PLCB1: variants seen among roughly 807,000 people sequenced by gnomAD.
PLCB1 encodes phospholipase C beta 1, also known as 1-phosphatidylinositol 4,5-bisphosphate phosphodiesterase beta-1.
In PLCB1, 46 loss-of-function variants were observed where a neutral mutation model predicts 161.8. The ratio of observed to expected loss-of-function variants is 0.28; its 90% CI spans 0.22 to 0.36. The LOEUF is 0.36. Among genes scored for constraint, PLCB1 ranks in the 10% least tolerant of loss-of-function variants. The pLI is 1.00. For synonymous variants in PLCB1, 517 were observed against 503.7 expected, an observed-to-expected ratio of 1.03 and a Z score of -0.35; for missense variants, 1,016 against 1,472.5, an observed-to-expected ratio of 0.69 and a Z score of 5.07.
intron 2 of PLCB1, among the ~76,000 whole-genome samples, chr20:8,182,973 T>A (rs976557056): frequency 1.1e-5 from 1 of 89,108 alleles, no homozygotes; most frequent in Non-Finnish European, 2.1e-5. Flanking sequence ...ATGACTCTTC[T>A]GGTTAAAAAA....
chr20:8,377,743 T>A (rs1278422460), intron 3 of PLCB1, among the ~76,000 whole-genome samples: 1 of 152,190 alleles, frequency 6.6e-6, no homozygotes, highest in Non-Finnish European at 1.5e-5. Flanking sequence ...GGTTGCCATG[T>A]CCTCAGATAA....
intron 1 of PLCB1, among the ~76,000 whole-genome samples, chr20:8,147,880 T>A (rs1054521142): frequency 6.7e-5 from 10 of 150,312 alleles, no homozygotes; most frequent in African/African-American, 1.2e-4. Context: ...AAGTTTTTTT[T>A]TTTTTTTTTT....
chr20:8,320,310 C>A (rs548625245), intron 2 of PLCB1, among the ~76,000 whole-genome samples: 1 of 152,258 alleles, frequency 6.6e-6, no homozygotes, highest in East Asian at 1.9e-4. Context: ...GCAGTTAATA[C>A]TATTTGTTAC....
intron 9 of PLCB1, among the ~76,000 whole-genome samples, chr20:8,670,473 A>C (rs547785586): frequency 1.3e-5 from 2 of 152,358 alleles, no homozygotes; most frequent in South Asian, 4.1e-4. Flanking sequence ...GGAGCTTTTG[A>C]GAAGAGTACA....
At chr20:8,743,719 C>G (rs1981001569) in intron 23 of PLCB1, among the ~76,000 whole-genome samples, 1 of 152,150 alleles carries the variant, frequency 6.6e-6, no homozygotes, top group African/African-American at 2.4e-5. Flanking sequence ...AGTTCCCTAT[C>G]TGAATTAATT....
intron 2 of PLCB1, among the ~76,000 whole-genome samples, chr20:8,286,060 C>T (rs1044384014): frequency 6.6e-5 from 10 of 152,348 alleles, no homozygotes; most frequent in African/African-American, 2.4e-4. Context: ...CACAGTGGCT[C>T]ATGCCTGTGA....
intron 1 of PLCB1, among the ~76,000 whole-genome samples, chr20:8,141,218 T>C (rs1370172242): frequency 6.6e-6 from 1 of 152,218 alleles, no homozygotes; most frequent in African/African-American, 2.4e-5. Context: ...GCAAACTCAG[T>C]TTTTGAGCTA....
chr20:8,588,021 G>C (rs901331387), intron 3 of PLCB1, among the ~76,000 whole-genome samples: 1 of 152,102 alleles, frequency 6.6e-6, no homozygotes, highest in Admixed American at 6.6e-5. Context: ...GACGTGTATC[G>C]AAACTGTCAC....
At chr20:8,232,078 G>A (rs988027669) in intron 2 of PLCB1, among the ~76,000 whole-genome samples, 2 of 152,064 alleles carry the variant, frequency 1.3e-5, no homozygotes, top group African/African-American at 4.8e-5. Context: ...TTGGTGGTGT[G>A]CGTCTGTAGT....
intron 2 of PLCB1, among the ~76,000 whole-genome samples, chr20:8,157,174 G>A (rs2051571213): frequency 6.6e-6 from 1 of 152,160 alleles, no homozygotes; most frequent in African/African-American, 2.4e-5. Flanking sequence ...CTTTCCCTCT[G>A]GGGATAATTT....
intron 31 of PLCB1, among the ~76,000 whole-genome samples, chr20:8,867,536 G>A (rs767720835): frequency 4.6e-5 from 7 of 152,146 alleles, no homozygotes; most frequent in South Asian, 2.1e-4. Context: ...TCAATTGCCC[G>A]GAGGGCTTTT....
At chr20:8,177,697 CTT>C (rs917952111) in intron 2 of PLCB1, among the ~76,000 whole-genome samples, 1 of 151,932 alleles carries the variant, frequency 6.6e-6, no homozygotes, top group Admixed American at 6.6e-5. Flanking sequence ...TTTTAAAAAA[CTT>C]TTATTTATTT....
At position 8,369,295 on chromosome 20, in the gene PLCB1, A is replaced by G. The variant is rs537754453; in HGVS notation, c.178-2087A>G. ...TGCCATCTCTCTCCTCTTTCTTCCA[A>G]TTACTTACCTTCATTTTGTCTCTCA... On this transcript the variant is annotated intron_variant, in intron 2 of 31. Transcript: ENST00000338037. 6.4e-4 allele frequency among the ~76,000 whole-genome samples: 98 copies of G among 151,996 alleles called. 2 individuals carry two copies. In the South Asian group the frequency reaches 0.02, roughly 31 times the overall value.
rs114515002 is a variant in PLCB1 at position 8,165,656 on chromosome 20, C to T, written c.177+15285C>T. 9.0e-3 allele frequency among the ~76,000 whole-genome samples: 1,372 copies of T among 152,276 alleles called. 15 individuals are homozygous for T. The highest frequency in any genetic ancestry group is 0.031 in the African/African-American group (1,281 of 41,550). On this transcript the variant is annotated intron_variant, in intron 2 of 31. Transcript: ENST00000338037. Reference sequence around the variant, plus strand: ...TGCTAACATACAGTCACTGCTCAATCGATGTGTGTCAAATGAATGAGACTT... The same window carrying T: ...TGCTAACATACAGTCACTGCTCAATTGATGTGTGTCAAATGAATGAGACTT...
At chr20:8,655,999 C>T (rs562106677) in intron 7 of PLCB1, among the ~76,000 whole-genome samples, 7 of 152,052 alleles carry the variant, frequency 4.6e-5, no homozygotes, top group African/African-American at 1.7e-4. Context: ...TATACTTGTT[C>T]CCTTTTTATG....
At chr20:8,774,207 AG>A (rs1240020956) in intron 26 of PLCB1, among the ~76,000 whole-genome samples, 6 of 152,214 alleles carry the variant, frequency 3.9e-5, no homozygotes, top group Admixed American at 3.9e-4. Context: ...ATAACAAAAA[AG>A]ATTAAAACCT....
At position 8,297,892 on chromosome 20, in the gene PLCB1, G is replaced by GTTT. The variant is rs749268293; in HGVS notation, c.178-73477_178-73475dup. 6.3e-3 allele frequency among the ~76,000 whole-genome samples: 833 copies of GTTT among 132,682 alleles called. 8 individuals carry two copies. Among genetic ancestry groups the GTTT allele is most frequent in the African/African-American group, 0.021 (759 of 36,882 alleles). The allele number at this position is 132,682 out of a possible 152,430, so 87.0% of individuals were successfully genotyped here. On this transcript the variant is annotated intron_variant, in intron 2 of 31. Transcript: ENST00000338037. ...ACCACCTTAGTAGATTTCTTTTTGG[G>GTTT]TTTTTTTTTTTTTTTGCCAAAATCT...
chr20:8,484,497 A>T (rs1982640112), intron 3 of PLCB1, among the ~76,000 whole-genome samples: 1 of 151,334 alleles, frequency 6.6e-6, no homozygotes, highest in African/African-American at 2.4e-5. Context: ...AGTAGCTGGG[A>T]CTACAGGCGC....
At chr20:8,501,864 CATATATATATATATATATAT>C (rs36226867) in intron 3 of PLCB1, among the ~76,000 whole-genome samples, 1,724 of 104,646 alleles carry the variant, frequency 0.016, 39 homozygotes, top group African/African-American at 0.024. Flanking sequence ...AGATATATCG[CATATATATATATATATATAT>C]ATATATATAT....
Sources: allele counts gnomAD v4.1 joint callset (sites outside exome capture counted in the v4.1 genomes callset), GRCh38; gene constraint gnomAD v4.1.1; transcripts MANE v1.5; gene names NCBI Gene and HGNC (gene_info 2026-07-23, HGNC 2026-07-21).